The following GLT1D1 variants were observed in gnomAD, a reference collection of about 807,000 sequenced individuals.
The protein encoded by GLT1D1 is glycosyltransferase 1 domain-containing protein 1.
In GLT1D1, 21 loss-of-function variants were observed where a neutral mutation model predicts 28.7. That is an observed-to-expected ratio of 0.73 (90% CI 0.52 to 1.05). The LOEUF is 1.05. Among genes scored for constraint, GLT1D1 ranks in the 50% least tolerant of loss-of-function variants. The pLI, the probability that GLT1D1 is intolerant of heterozygous loss-of-function variation, is 0.00. For synonymous variants in GLT1D1, 147 were observed against 124.8 expected (o/e 1.18, Z -1.19); for missense variants, 343 against 330.6 (o/e 1.04, Z -0.29).
chr12:128,965,896 A>AATAAAGAAAAT (rs1878413063), intron 7 of GLT1D1, among the ~76,000 whole-genome samples: 1 of 152,078 alleles, frequency 6.6e-6, no homozygotes, highest in Non-Finnish European at 1.5e-5. Flanking sequence ...CTGTCTCAAA[A>AATAAAGAAAAT]ATAAAGAAAA....
chr12:128,894,720 C>G (rs1306735837), intron 3 of GLT1D1, among the ~76,000 whole-genome samples: 1 of 151,742 alleles, frequency 6.6e-6, no homozygotes, highest in African/African-American at 2.4e-5. Flanking sequence ...CATGGTGGTG[C>G]GTGCCTGTAA....
intron 4 of GLT1D1, among the ~76,000 whole-genome samples, chr12:128,927,899 C>T (rs1459596781): frequency 7.0e-6 from 1 of 143,418 alleles, no homozygotes; most frequent in African/African-American, 2.6e-5. Context: ...ACTCAGGAGG[C>T]TGAGGCAGGA....
chr12:128,873,077 G>A (rs1012178841), intron 1 of GLT1D1, among the ~76,000 whole-genome samples: 2 of 152,140 alleles, frequency 1.3e-5, no homozygotes, highest in African/African-American at 4.8e-5. Flanking sequence ...TAAATTTTTT[G>A]TAGAGACAGA....
intron 4 of GLT1D1, 114 bp downstream of exon 4, chr12:128,899,401 G>T (rs1033949490): frequency 2.4e-6 from 2 of 827,768 alleles, no homozygotes; most frequent in East Asian, 2.4e-5. Context: ...TGCCTGTTGC[G>T]GCCACAATAG....
chr12:128,869,148 C>A (rs1161629996), intron 1 of GLT1D1, among the ~76,000 whole-genome samples: 1 of 152,132 alleles, frequency 6.6e-6, no homozygotes, highest in Non-Finnish European at 1.5e-5. Context: ...GGAATACAGG[C>A]GTGAGCCACC....
chr12:128,965,532 A>G (rs1878366047), intron 7 of GLT1D1, among the ~76,000 whole-genome samples: 1 of 152,104 alleles, frequency 6.6e-6, no homozygotes. Flanking sequence ...CATGGATGTC[A>G]TTCTAAGTCC....
At chr12:128,928,041 A>C (rs571457882) in intron 4 of GLT1D1, among the ~76,000 whole-genome samples, 21 of 151,544 alleles carry the variant, frequency 1.4e-4, no homozygotes, top group African/African-American at 5.1e-4. Context: ...AAGAATAGAA[A>C]AAAAGAAAAG....
chr12:128,967,972 T>G (rs2686674), intron 7 of GLT1D1, among the ~76,000 whole-genome samples: 16,001 of 152,206 alleles, frequency 0.11, 1,803 homozygotes, highest in African/African-American at 0.28. Context: ...CATTGGAGGT[T>G]AATGCAAAAC....
intron 7 of GLT1D1, among the ~76,000 whole-genome samples, chr12:128,981,402 A>G (rs1880305930): frequency 6.6e-6 from 1 of 152,218 alleles, no homozygotes; most frequent in African/African-American, 2.4e-5. Flanking sequence ...TATGACCAGC[A>G]TCATAAAATA....
chr12:128,914,367 C>T (rs1871869612), intron 4 of GLT1D1, among the ~76,000 whole-genome samples: 1 of 152,100 alleles, frequency 6.6e-6, no homozygotes, highest in Non-Finnish European at 1.5e-5. Context: ...CCGTTTGGGC[C>T]TGTCATGGAT....
chr12:128,884,817 A>C (rs1170784543), intron 2 of GLT1D1, among the ~76,000 whole-genome samples: 2 of 152,144 alleles, frequency 1.3e-5, no homozygotes, highest in African/African-American at 4.8e-5. Flanking sequence ...CTGTCTCAAA[A>C]AATAGAAAAA....
chr12:128,855,223 T>TAAAA (rs771286662), intron 1 of GLT1D1, among the ~76,000 whole-genome samples: 10 of 81,286 alleles, frequency 1.2e-4, no homozygotes, highest in Admixed American at 1.8e-4. Flanking sequence ...AGACTCCATC[T>TAAAA]AAAAAAAAAA....
At chr12:128,944,315 G>T in intron 4 of GLT1D1, 1 of 685,292 alleles carries the variant, frequency 1.5e-6, no homozygotes, top group Non-Finnish European at 2.7e-6. Context: ...ACGTCAGTTT[G>T]GAGGAAAGCA....
Position 128,983,257 on chromosome 12 carries a change from T to C in GLT1D1, c.*167T>C, listed in dbSNP as rs1357081006. 1.6e-6 allele frequency: 1 copy of C among 612,730 alleles called. No homozygotes were observed. The highest frequency in any genetic ancestry group is 2.9e-6 in the Non-Finnish European group (1 of 350,104). The allele number at this position is 612,730 out of a possible 1,614,324, so 38.0% of individuals were successfully genotyped here. ...CCCCAGAGCCACTGCATTCATCCCA[T>C]ATCCTTCTGTGCGTTCAGATGCTGT... On this transcript the variant is annotated 3_prime_UTR_variant, in exon 8 of 8. Coordinates refer to ENST00000281703, the MANE Select transcript of GLT1D1 (RefSeq NM_144669.3). The surrounding 1 kb of genome is among the most constrained non-coding windows in gnomAD (Gnocchi z 4.7).
chr12:128,877,896 G>A (rs1461405195), intron 2 of GLT1D1, among the ~76,000 whole-genome samples: 1 of 152,160 alleles, frequency 6.6e-6, no homozygotes, highest in Admixed American at 6.5e-5. Flanking sequence ...GCTTGCTGAT[G>A]TGCATCCATT....
intron 7 of GLT1D1, among the ~76,000 whole-genome samples, chr12:128,975,729 T>G (rs1879708190): frequency 1.3e-5 from 2 of 152,212 alleles, no homozygotes; most frequent in Non-Finnish European, 2.9e-5. Flanking sequence ...AGAGATTACA[T>G]GTGTGAGCCA....
chr12:128,901,409 C>T (rs1870240759), intron 4 of GLT1D1, among the ~76,000 whole-genome samples: 1 of 151,028 alleles, frequency 6.6e-6, no homozygotes, highest in South Asian at 2.1e-4. Flanking sequence ...CGTGAGCCAC[C>T]GCGCCTGACC....
At chr12:128,975,004 T>C (rs1264037786) in intron 7 of GLT1D1, among the ~76,000 whole-genome samples, 5 of 151,800 alleles carry the variant, frequency 3.3e-5, no homozygotes, top group Non-Finnish European at 7.4e-5. Flanking sequence ...ATTAGCTTTC[T>C]CACCTGCTGG....
rs117595963 is a variant in GLT1D1 at position 128,905,435 on chromosome 12, A to T, written c.375+6148A>T. Among the ~76,000 whole-genome samples, 1,404 of 152,294 alleles carry T rather than the reference A, an allele frequency of 9.2e-3. 11 individuals carry two copies. The highest frequency in any genetic ancestry group is 0.016 in the Non-Finnish European group (1,092 of 68,024). On this transcript the variant is annotated intron_variant, in intron 4 of 7. Coordinates refer to ENST00000281703, the MANE Select transcript of GLT1D1 (RefSeq NM_144669.3). ...GATCCTGGAGGACACATGAACGGAC[A>T]TGTGCCCAGTGAGGGTTAGTTTGTA... is the stretch of plus-strand genomic sequence containing the variant.
Sources: gnomAD v4.1 joint callset for allele counts (sites outside exome capture counted in the v4.1 genomes callset) on GRCh38, gnomAD v4.1.1 for gene constraint, Gnocchi (gnomAD v3.1) non-coding constraint, MANE v1.5 for transcripts, NCBI Gene and HGNC (gene_info 2026-07-23, HGNC 2026-07-21) for gene names.